The following TANC1 variants were observed in gnomAD, a reference collection of about 807,000 sequenced individuals.
TANC1 encodes the protein protein TANC1.
Under a neutral mutation model 149.7 loss-of-function variants are expected in TANC1, and 77 were observed. The ratio of observed to expected loss-of-function variants is 0.51; its 90% CI spans 0.43 to 0.62. TANC1 has a LOEUF of 0.62. Ranked by LOEUF, TANC1 falls within the 20% of genes least tolerant of loss-of-function variation. The pLI, the probability that TANC1 is intolerant of heterozygous loss-of-function variation, is 0.00. For missense variants in TANC1, 1,985 were observed against 2,321.8 expected (o/e 0.85, Z 2.98); for synonymous variants, 854 against 925.0 (o/e 0.92, Z 1.39).
chr2:159,123,495 C>T (rs1336228061), intron 4 of TANC1, among the ~76,000 whole-genome samples: 1 of 152,042 alleles, frequency 6.6e-6, no homozygotes, highest in African/African-American at 2.4e-5. Flanking sequence ...CACCCCACCT[C>T]AACCCCTCCA....
intron 4 of TANC1, among the ~76,000 whole-genome samples, chr2:159,098,467 A>G (rs540463086): frequency 1.3e-5 from 2 of 152,346 alleles, no homozygotes; most frequent in Admixed American, 1.3e-4. Context: ...TAAGTGACAC[A>G]TGACTGTAAT....
At chr2:159,076,080 A>T (rs2043642468) in intron 3 of TANC1, among the ~76,000 whole-genome samples, 1 of 152,012 alleles carries the variant, frequency 6.6e-6, no homozygotes, top group Admixed American at 6.5e-5. Flanking sequence ...TCCAGTATTT[A>T]TTGCTCTGTT....
At chr2:158,987,232 A>G (rs900926010) in intron 1 of TANC1, among the ~76,000 whole-genome samples, 8 of 147,916 alleles carry the variant, frequency 5.4e-5, no homozygotes, top group South Asian at 2.1e-4. Context: ...AAAAAAAAAA[A>G]GAGTCACTGA....
At chr2:159,045,387 G>A (rs1382847345) in intron 2 of TANC1, among the ~76,000 whole-genome samples, 1 of 152,166 alleles carries the variant, frequency 6.6e-6, no homozygotes, top group Non-Finnish European at 1.5e-5. Flanking sequence ...AGCCGAGATT[G>A]CACCACTGCA....
At chr2:159,107,490 C>G (rs979837838) in intron 4 of TANC1, among the ~76,000 whole-genome samples, 2 of 152,150 alleles carry the variant, frequency 1.3e-5, no homozygotes, top group Non-Finnish European at 2.9e-5. Context: ...TACATTTAGT[C>G]CTGTGATCCA....
rs918393989 is a variant in TANC1 at position 159,139,453 on chromosome 2, C to T, written c.364+3155C>T. Among the ~76,000 whole-genome samples the T allele has an allele frequency of 4.6e-5, 7 of 152,090 alleles. No individual in the cohort carries two copies. The South Asian group carries it at 1.0e-3, about 22-fold the overall frequency. On this transcript the variant is annotated intron_variant, in intron 5 of 26. Transcript: ENST00000263635. The stretch of plus-strand genomic sequence containing the variant: ...GCTTCCTATTGCTAAATCAACATAT[C>T]GTTTAGGGGAAAGCTCATTTACCCA...
At chr2:159,125,808 G>A (rs528776533) in intron 4 of TANC1, among the ~76,000 whole-genome samples, 3 of 152,156 alleles carry the variant, frequency 2.0e-5, no homozygotes, top group African/African-American at 4.8e-5. Flanking sequence ...GGCTGGTCTC[G>A]AACTCCTGAC....
chr2:159,148,003 G>A (rs1406094399), intron 5 of TANC1: 1 of 152,162 alleles, frequency 6.6e-6, no homozygotes, highest in Non-Finnish European at 1.5e-5. Flanking sequence ...ATCTTTGTTG[G>A]TGCTGTTGTA....
Position 159,217,623 on chromosome 2 carries a change from A to G in TANC1, c.3371A>G (p.His1124Arg). Residue 1124 changes from histidine to arginine, a missense_variant, in exon 20 of 27, where the codon CAT becomes CGT. His to Arg is a conservative substitution (Grantham distance 29). Around this residue, in one of 3 missense-constraint regions of TANC1, gnomAD observed 920 missense variants for 994.7 expected, o/e 0.92. Transcript: ENST00000263635. ...PPLFCAARQG[H>R]WQIVRLLLER... ...TTGTTTTGTGCAGCACGCCAGGGGC[A>G]TTGGCAGGTACCCAGGGGGCCCCTG... The G allele has an allele frequency of 6.2e-7, 1 of 1,614,028 alleles. No individual in the cohort carries two copies. The highest frequency in any genetic ancestry group is 1.3e-5 in the African/African-American group (1 of 75,054).
At position 159,196,599 on chromosome 2, in the gene TANC1, T is replaced by C; in HGVS notation, c.2980-9T>C. ...CTCAGCTGTAACCTTCCCCTACTCC[T>C]GCCCCCAGGTGGACCACTTGGATAA... On this transcript the variant is annotated splice_polypyrimidine_tract_variant and intron_variant, in intron 17 of 26. Coordinates refer to ENST00000263635, the MANE Select transcript of TANC1 (RefSeq NM_033394.3). 1 of 1,591,524 alleles carries C rather than the reference T, an allele frequency of 6.3e-7. No individual in the cohort carries two copies. Among genetic ancestry groups the C allele is most frequent in the Non-Finnish European group, 8.6e-7 (1 of 1,165,706 alleles).
intron 7 of TANC1, among the ~76,000 whole-genome samples, chr2:159,156,671 T>C (rs1399811945): frequency 6.6e-6 from 1 of 152,210 alleles, no homozygotes. Context: ...TGTGGGCGCA[T>C]AATGATACCA....
At chr2:159,173,511 G>A (rs753564423) in intron 11 of TANC1, among the ~76,000 whole-genome samples, 9 of 152,118 alleles carry the variant, frequency 5.9e-5, no homozygotes, top group Non-Finnish European at 7.4e-5. Context: ...AGGCTGAGGC[G>A]GGAGAATCAC....
chr2:159,187,743 C>G (rs72951500), intron 16 of TANC1, among the ~76,000 whole-genome samples: 4,380 of 152,232 alleles, frequency 0.029, 87 homozygotes, highest in Non-Finnish European at 0.046. Flanking sequence ...GTCTTCCCCC[C>G]GAATCACTCA....
intron 1 of TANC1, among the ~76,000 whole-genome samples, chr2:158,971,302 C>T (rs2032843810): frequency 6.6e-6 from 1 of 152,116 alleles, no homozygotes; most frequent in South Asian, 2.1e-4. Context: ...AACTTTATGT[C>T]GTTGTTTCCA....
intron 3 of TANC1, among the ~76,000 whole-genome samples, chr2:159,070,314 G>T (rs764597164): frequency 3.9e-4 from 59 of 151,816 alleles, no homozygotes; most frequent in Admixed American, 5.9e-4. Flanking sequence ...TGGGAGGAAG[G>T]TTCAGAGATT....
chr2:159,095,026 A>G (rs2045954590), intron 3 of TANC1, among the ~76,000 whole-genome samples: 1 of 150,040 alleles, frequency 6.7e-6, no homozygotes, highest in Non-Finnish European at 1.5e-5. Flanking sequence ...GCTCACTGCA[A>G]CCTCTGCTTC....
chr2:159,134,146 G>A (rs754195096), intron 4 of TANC1, among the ~76,000 whole-genome samples: 19 of 152,126 alleles, frequency 1.2e-4, no homozygotes, highest in Non-Finnish European at 2.4e-4. Flanking sequence ...AAGAAGAGGG[G>A]ATAGTTGTAG....
intron 4 of TANC1, among the ~76,000 whole-genome samples, chr2:159,126,058 G>A (rs953555146): frequency 8.5e-5 from 13 of 152,106 alleles, no homozygotes; most frequent in Non-Finnish European, 1.5e-4. Context: ...TTCTGCTTTC[G>A]AGGGTCTGTG....
At chr2:158,987,073 G>T (rs1208423681) in intron 1 of TANC1, among the ~76,000 whole-genome samples, 4 of 151,718 alleles carry the variant, frequency 2.6e-5, no homozygotes, top group African/African-American at 9.7e-5. Flanking sequence ...AATTGGTCAG[G>T]CGTCATTGTG....
Sources: allele counts gnomAD v4.1 joint callset (sites outside exome capture counted in the v4.1 genomes callset), GRCh38; gene constraint gnomAD v4.1.1; regional missense constraint gnomAD v4.1.1; transcripts MANE v1.5; gene names NCBI Gene and HGNC (gene_info 2026-07-23, HGNC 2026-07-21).